Variants in SFRP5 observed in about 807,000 individuals in gnomAD.
SFRP5 encodes secreted frizzled related protein 5.
A neutral mutation model predicts 27.0 loss-of-function variants in SFRP5; 22 were observed. That is an observed-to-expected ratio of 0.82 (90% CI 0.58 to 1.17). The LOEUF is 1.17. SFRP5 is among the 50% of genes most tolerant of loss of function. The pLI is 0.00. For synonymous variants in SFRP5, 171 were observed against 195.0 expected, an observed-to-expected ratio of 0.88 and a Z score of 1.03; for missense variants, 406 against 436.6, an observed-to-expected ratio of 0.93 and a Z score of 0.63.
In SFRP5 at chr10:97,766,885, G is replaced by A. The variant is rs2049487119; in HGVS notation, c.*629C>T. The stretch of plus-strand genomic sequence containing the variant: ...GGGATAAAAGGGAGAAGCAGAGGCT[G>A]AGGAATGAATCCCGGGAATCGAGCC... On this transcript the variant is annotated 3_prime_UTR_variant, in exon 3 of 3. Transcript: ENST00000266066. The A allele has an allele frequency of 6.6e-6, 1 of 151,990 alleles. No homozygotes were observed. The highest frequency in any genetic ancestry group is 2.4e-5 in the African/African-American group (1 of 41,024). The allele number at this position is 151,990 out of a possible 1,614,324, so 9.4% of individuals were successfully genotyped here.
Position 97,771,967 on chromosome 10 carries a change from T to A in SFRP5, c.-134A>T. On this transcript the variant is annotated 5_prime_UTR_variant, in exon 1 of 3. Coordinates refer to ENST00000266066, the MANE Select transcript of SFRP5 (RefSeq NM_003015.3). The surrounding 1 kb of genome is among the most constrained non-coding windows in gnomAD (Gnocchi z 5.2). ...GCCGCCGCCGCGGAGGTCGCCCAGG[T>A]GGGTGGCAGCCTGCGCTGCGGGCGC... 1 of 596,408 alleles carries A rather than the reference T, an allele frequency of 1.7e-6. No individual in the cohort carries two copies. The highest frequency in any genetic ancestry group is 2.1e-6 in the Non-Finnish European group (1 of 472,322). 36.9% of individuals were successfully genotyped at this position (596,408 alleles called of 1,614,324 possible).
rs748797316 is a variant in SFRP5, at chr10:97,771,519, C to G, written c.315G>C (p.Gln105His). 6.2e-7 allele frequency: 1 copy of G among 1,610,242 alleles called. No homozygotes were observed. The highest frequency in any genetic ancestry group is 2.2e-5 in the East Asian group (1 of 44,710). ...LLAKRCHSDT[Q>H]VFLCSLFAPV... ...GCGCAAAGAGCGAGCACAGGAAGACCTGCGTATCCGAGTGGCAGCGCTTGG... is the reference window on the plus strand; with the variant it reads ...GCGCAAAGAGCGAGCACAGGAAGACGTGCGTATCCGAGTGGCAGCGCTTGG... Residue 105 changes from glutamine (Q) to histidine (H), a missense_variant, in exon 1 of 3, where the codon CAG becomes CAC. Transcript: ENST00000266066. The surrounding 1 kb of genome is among the most constrained non-coding windows in gnomAD (Gnocchi z 5.2).
intron 2 of SFRP5, among the ~76,000 whole-genome samples, 199 bp from the exon 3 acceptor site, chr10:97,768,059 G>A (rs937981818): frequency 6.6e-5 from 10 of 152,098 alleles, no homozygotes; most frequent in African/African-American, 9.7e-5. Flanking sequence ...ACAGCATCAC[G>A]TTTCATCCTC....
At chr10:97,769,601 C>A (rs924144374) in intron 2 of SFRP5, 67 bp downstream of exon 2, 6 of 1,085,836 alleles carry the variant, frequency 5.5e-6, no homozygotes, top group Non-Finnish European at 8.4e-6. Context: ...TGTATGTTCC[C>A]GTGTGCGTCA....
Position 97,767,896 on chromosome 10 carries a change from G to T in SFRP5, c.608-36C>A, listed in dbSNP as rs12254497. ...AAAGGACAGGGGCAAGTTGGGAATG[G>T]TCAGATCTGTGTGGGATGCTGGTGG... On this transcript the variant is annotated intron_variant, in intron 2 of 2. Transcript: ENST00000266066. 23,809 of 1,462,818 alleles carry T rather than the reference G, an allele frequency of 0.016. 1,921 individuals are homozygous for T. The African/African-American group carries it at 0.22, about 14-fold the overall frequency. 90.6% of individuals were successfully genotyped at this position (1,462,818 alleles called of 1,614,324 possible).
At chr10:97,769,495 G>A (rs374720991) in intron 2 of SFRP5, among the ~76,000 whole-genome samples, 173 bp downstream of exon 2, 25 of 152,348 alleles carry the variant, frequency 1.6e-4, no homozygotes, top group African/African-American at 5.5e-4. Context: ...AGAAAGAGGT[G>A]CATTTCTCTT....
chr10:97,769,980 C>T lies in SFRP5; in HGVS notation c.530-235G>A, dbSNP rs1023828735. On this transcript the variant is annotated intron_variant, in intron 1 of 2. Transcript: ENST00000266066. ...ACTGCCAGGTGGGCACAGTGACTGC[C>T]CCATGACCCTGGCGGCTGCAGCCAT... Among the ~76,000 whole-genome samples, 16 of 152,338 alleles carry T rather than the reference C, an allele frequency of 1.1e-4. No homozygotes were observed. The South Asian group carries it at 2.7e-3, about 26-fold the overall frequency.
rs754010803 is a variant in SFRP5, at chr10:97,771,365, G to T, written c.469C>A (p.Leu157Met). The change falls in exon 1 of 3, where the codon CTG becomes ATG. Residue 157 changes from leucine to methionine, a missense_variant. By Grantham distance (15) the Leu-to-Met change is conservative. Transcript: ENST00000266066. This position sits in a 1 kb window ranked among gnomAD's most constrained non-coding sequence, Gnocchi z 5.2. ...ACGGCGATGCAGAGGTCGTTGTCCA[G>T]GGGGAACTTGTGGCAGTGCAGCATC... ...PEMLHCHKFP[L>M]DNDLCIAVQF... 1 of 1,611,352 alleles carries T rather than the reference G, an allele frequency of 6.2e-7. No individual in the cohort carries two copies. Among genetic ancestry groups the T allele is most frequent in the Admixed American group, 1.7e-5 (1 of 59,882 alleles).
intron 2 of SFRP5, among the ~76,000 whole-genome samples, chr10:97,769,143 C>T (rs2049501877): frequency 6.6e-6 from 1 of 152,172 alleles, no homozygotes; most frequent in Non-Finnish European, 1.5e-5. Context: ...CATGTGTGAG[C>T]CAGGTCCTGA....
At position 97,767,693 on chromosome 10, in the gene SFRP5, CCAGCTGTGGGCAGGGG is replaced by C. The variant is rs778793600; in HGVS notation, c.759_774del (p.Cys253TrpfsTer34). 8.1e-6 allele frequency: 13 copies of C among 1,613,986 alleles called. No homozygotes were observed. Among genetic ancestry groups the C allele is most frequent in the Non-Finnish European group, 1.0e-5 (12 of 1,180,028 alleles). ...ACCAGGAAGCTGCCCGCCAGGCTGT[CCAGCTGTGGGCAGGGG>C]CAGCCCGCGCCATTCTTCATGTGCA... On this transcript the variant is annotated frameshift_variant, in exon 3 of 3. Coordinates refer to ENST00000266066, the MANE Select transcript of SFRP5 (RefSeq NM_003015.3). LOFTEE classifies it high-confidence loss of function.
At position 97,771,379 on chromosome 10, in the gene SFRP5, C is replaced by T. The variant is rs910470635; in HGVS notation, c.455G>A (p.Cys152Tyr). 1 of 1,612,114 alleles carries T rather than the reference C, an allele frequency of 6.2e-7. No individual in the cohort carries two copies. The highest frequency in any genetic ancestry group is 1.3e-5 in the African/African-American group (1 of 74,878). Residue 152 changes from cysteine to tyrosine, a missense_variant, in exon 1 of 3, where the codon TGC becomes TAC. Coordinates refer to ENST00000266066, the MANE Select transcript of SFRP5 (RefSeq NM_003015.3). This position sits in a 1 kb window ranked among gnomAD's most constrained non-coding sequence, Gnocchi z 5.2. ...YGFPWPEMLHCHKFPLDNDLC... is the reference protein window; with the variant it reads ...YGFPWPEMLHYHKFPLDNDLC... ...GTCGTTGTCCAGGGGGAACTTGTGG[C>T]AGTGCAGCATCTCAGGCCAGGGGAA... is the stretch of plus-strand genomic sequence containing the variant.
chr10:97,767,489 C>A lies in SFRP5; in HGVS notation c.*25G>T. The stretch of plus-strand genomic sequence containing the variant: ...GGGCCAGAGGGCAAGCAAGGCACAG[C>A]TGGCAGGGCAAGGAGGAGTGCCCTT... On this transcript the variant is annotated 3_prime_UTR_variant, in exon 3 of 3. Transcript: ENST00000266066. The A allele has an allele frequency of 6.5e-7, 1 of 1,548,264 alleles. No individual in the cohort carries two copies. The highest frequency in any genetic ancestry group is 1.8e-5 in the Admixed American group (1 of 54,836).
chr10:97,768,800 C>T (rs1377141419), intron 2 of SFRP5, among the ~76,000 whole-genome samples: 6 of 152,076 alleles, frequency 3.9e-5, no homozygotes, highest in African/African-American at 7.2e-5. Flanking sequence ...GGGAGTCCCT[C>T]GGGCTGGTCT....
rs528874507 is a variant in SFRP5 at position 97,771,652 on chromosome 10, G to T, written c.182C>A (p.Pro61Gln). ...PQCLDIPADL[P>Q]LCHTVGYKRM... ...CTTGTAGCCCACCGTGTGGCAGAGC[G>T]GCAGGTCGGCAGGGATGTCAAGGCA... The change falls in exon 1 of 3, where the codon CCG becomes CAG. Residue 61 changes from proline to glutamine, a missense_variant. Physicochemically the swap from Pro to Gln is moderately conservative, Grantham distance 76. Coordinates refer to ENST00000266066, the MANE Select transcript of SFRP5 (RefSeq NM_003015.3). This position sits in a 1 kb window ranked among gnomAD's most constrained non-coding sequence, Gnocchi z 5.2. The T allele has an allele frequency of 2.5e-6, 4 of 1,604,744 alleles. No homozygotes were observed. The East Asian group carries it at 6.7e-5, about 27-fold the overall frequency.
rs1554901787 is a variant in SFRP5 at position 97,771,814 on chromosome 10, C to CCGCCG, written c.19_20insCGGCG (p.Gly7AlafsTer81). 9.2e-5 allele frequency: 110 copies of CCGCCG among 1,189,212 alleles called. No individual in the cohort carries two copies. The highest frequency in any genetic ancestry group is 8.2e-5 in the Non-Finnish European group (79 of 958,086). The allele number at this position is 1,189,212 out of a possible 1,614,324, so 73.7% of individuals were successfully genotyped here. A position where few individuals can be genotyped will look rare whatever the true frequency, so the allele number is the denominator to read the frequency against. Reference sequence around the variant, plus strand: ...CAGCGCGGCCGTCCGCACGCCCCCCCCCGCCGCCGCCGCCCGCATGGCTGC... The same window carrying CCGCCG: ...CAGCGCGGCCGTCCGCACGCCCCCCCCGCCGCCGCCGCCGCCGCCCGCATGGCTGC... On this transcript the variant is annotated frameshift_variant, in exon 1 of 3. Coordinates refer to ENST00000266066, the MANE Select transcript of SFRP5 (RefSeq NM_003015.3). LOFTEE classifies it high-confidence loss of function. The surrounding 1 kb of genome is among the most constrained non-coding windows in gnomAD (Gnocchi z 5.2).
Position 97,771,127 on chromosome 10 carries a change from G to A in SFRP5, c.529+178C>T, listed in dbSNP as rs2049512553. Among the ~76,000 whole-genome samples, 1 of 152,034 alleles carries A rather than the reference G, an allele frequency of 6.6e-6. No homozygotes were observed. Among genetic ancestry groups the A allele is most frequent in the African/African-American group, 2.4e-5 (1 of 41,386 alleles). ...CACTATGCTGCCACTCCCTGGGGAG[G>A]TGGGAAGGCGGGAAGGCTGCGGGGG... On this transcript the variant is annotated intron_variant, in intron 1 of 2. Transcript: ENST00000266066. This position sits in a 1 kb window ranked among gnomAD's most constrained non-coding sequence, Gnocchi z 5.2.
chr10:97,767,842 TTGA>T lies in SFRP5; in HGVS notation c.623_625del (p.Ile208del), dbSNP rs1429971035. 3 of 1,525,238 alleles carry T rather than the reference TTGA, an allele frequency of 2.0e-6. No individual in the cohort carries two copies. The highest frequency in any genetic ancestry group is 2.8e-5 in the African/African-American group (2 of 71,790). The allele number at this position is 1,525,238 out of a possible 1,614,324, so 94.5% of individuals were successfully genotyped here. A position where few individuals can be genotyped will look rare whatever the true frequency, so the allele number is the denominator to read the frequency against. ...GTCCCCATTCTCTATCTTGATCTCC[TTGA>T]TGCGCATTTTGACCACTGTGGGAAG... On this transcript the variant is annotated inframe_deletion, in exon 3 of 3. Coordinates refer to ENST00000266066, the MANE Select transcript of SFRP5 (RefSeq NM_003015.3).
At chr10:97,769,889 G>A (rs1367902498) in intron 1 of SFRP5, 144 bp from the exon 2 acceptor site, 2 of 658,988 alleles carry the variant, frequency 3.0e-6, no homozygotes, top group African/African-American at 1.8e-5. Context: ...ATGGGATGAT[G>A]GCAATCATAT....
Position 97,771,778 on chromosome 10 carries a change from A to G in SFRP5, c.56T>C (p.Leu19Pro). The G allele has an allele frequency of 4.8e-6, 7 of 1,471,436 alleles. No homozygotes were observed. Among genetic ancestry groups the G allele is most frequent in the South Asian group, 2.8e-5 (2 of 71,524 alleles). 91.1% of individuals were successfully genotyped at this position (1,471,436 alleles called of 1,614,324 possible). A position where few individuals can be genotyped will look rare whatever the true frequency, so the allele number is the denominator to read the frequency against. ...CGCCGGCGCCCAGTGCAGCGCCCCC[A>G]GCAGCAGCGCCAGCGCGGCCGTCCG... ...GVRTAALALL[L>P]GALHWAPARC... Residue 19 changes from leucine (L) to proline (P), a missense_variant, in exon 1 of 3, where the codon CTG becomes CCG. By Grantham distance (98) the Leu-to-Pro change is moderately conservative (BLOSUM62 -3). Coordinates refer to ENST00000266066, the MANE Select transcript of SFRP5 (RefSeq NM_003015.3). The surrounding 1 kb of genome is among the most constrained non-coding windows in gnomAD (Gnocchi z 5.2).
Sources: allele counts gnomAD v4.1 joint callset (sites outside exome capture counted in the v4.1 genomes callset), GRCh38; gene constraint gnomAD v4.1.1; non-coding constraint Gnocchi (gnomAD v3.1); transcripts MANE v1.5; gene names NCBI Gene and HGNC (gene_info 2026-07-23, HGNC 2026-07-21).